GLT8D2: variants seen among roughly 807,000 people sequenced by gnomAD.
GLT8D2 encodes glycosyltransferase 8 domain containing 2.
A neutral mutation model predicts 44.5 loss-of-function variants in GLT8D2; 45 were observed. That is an observed-to-expected ratio of 1.01 (90% CI 0.80 to 1.30). The LOEUF (loss-of-function observed/expected upper bound fraction) is 1.30, where lower values mean the gene tolerates loss of function less well. GLT8D2 is among the 50% of genes most tolerant of loss of function. The probability of loss-of-function intolerance (pLI) is 0.00; values close to 1 mark genes in which losing one functional copy is unlikely to be tolerated. For missense variants in GLT8D2, 400 were observed against 430.4 expected, an observed-to-expected ratio of 0.93 and a Z score of 0.62; for synonymous variants, 156 against 157.2, an observed-to-expected ratio of 0.99 and a Z score of 0.06.
In GLT8D2 at chr12:103,997,462, A is replaced by G; in HGVS notation, c.476T>C (p.Val159Ala). 6.2e-7 allele frequency: 1 copy of G among 1,611,674 alleles called. No individual in the cohort carries two copies. The highest frequency in any genetic ancestry group is 8.5e-7 in the Non-Finnish European group (1 of 1,177,724). Residue 159 changes from valine to alanine, a missense_variant, in exon 7 of 11, where the codon GTA becomes GCA. Val to Ala is a moderately conservative substitution (Grantham distance 64, BLOSUM62 0). Transcript: ENST00000360814. ...HEKVIYLDDD[V>A]IVQGDIQELY... ...GTTAGCGAGAGTACCTTGTACAATTACATCATCGTCCAAATAGATGACTTT... is the reference window on the plus strand; with the variant it reads ...GTTAGCGAGAGTACCTTGTACAATTGCATCATCGTCCAAATAGATGACTTT...
intron 4 of GLT8D2, among the ~76,000 whole-genome samples, chr12:104,004,197 T>G (rs1342578356): frequency 2.0e-5 from 3 of 152,114 alleles, no homozygotes; most frequent in Non-Finnish European, 4.4e-5. Flanking sequence ...TGCTAAAAAT[T>G]CTCAATAAAT....
At chr12:104,009,062 C>A (rs140544403) in intron 4 of GLT8D2, among the ~76,000 whole-genome samples, 1 of 152,224 alleles carries the variant, frequency 6.6e-6, no homozygotes, top group Non-Finnish European at 1.5e-5. Context: ...AGAGCCCCCA[C>A]GCAGAGTCCC....
intron 3 of GLT8D2, among the ~76,000 whole-genome samples, chr12:104,017,949 T>A (rs1015438909): frequency 2.0e-5 from 3 of 152,166 alleles, no homozygotes; most frequent in Admixed American, 2.0e-4. Context: ...TGGTTATGCA[T>A]CATTGTTATT....
intron 1 of GLT8D2, among the ~76,000 whole-genome samples, chr12:104,058,322 A>G (rs1324998192): frequency 1.3e-5 from 2 of 152,158 alleles, no homozygotes; most frequent in African/African-American, 4.8e-5. Flanking sequence ...AGGGGATTAC[A>G]GATATGGAAG....
At chr12:104,006,643 A>G (rs1875050072) in intron 4 of GLT8D2, among the ~76,000 whole-genome samples, 1 of 152,202 alleles carries the variant, frequency 6.6e-6, no homozygotes, top group Admixed American at 6.5e-5. Flanking sequence ...CTTTTCTAAT[A>G]AAATTACTGC....
upstream of GLT8D2, among the ~76,000 whole-genome samples, chr12:104,050,938 C>A (rs576186594): frequency 2.6e-5 from 4 of 151,896 alleles, no homozygotes; most frequent in Non-Finnish European, 4.4e-5. Context: ...CCTCAGCCTC[C>A]CGAGTAGCTG....
In GLT8D2 at chr12:104,022,034, AGAAGAAGAAGAAGAAGAAGAAGGG is replaced by A. The variant is rs1293041743; in HGVS notation, c.-163-567_-163-544del. Among the ~76,000 whole-genome samples the A allele has an allele frequency of 2.9e-3, 385 of 134,792 alleles. 40 individuals carry two copies. The highest frequency in any genetic ancestry group is 0.012 in the African/African-American group (372 of 32,106). The allele number at this position is 134,792 out of a possible 152,430, so 88.4% of individuals were successfully genotyped here. A position where few individuals can be genotyped will look rare whatever the true frequency, so the allele number is the denominator to read the frequency against. On this transcript the variant is annotated intron_variant, in intron 1 of 10. Transcript: ENST00000360814. ...AAGAAGAAGAAGAAAAAGAAGAAGA[AGAAGAAGAAGAAGAAGAAGAAGGG>A]AAAGAAAGAAAGAAAGAAAAAAAAA...
chr12:104,013,793 G>A (rs976694393), intron 4 of GLT8D2, among the ~76,000 whole-genome samples: 1 of 152,116 alleles, frequency 6.6e-6, no homozygotes, highest in Non-Finnish European at 1.5e-5. Flanking sequence ...CCAAGCTGGA[G>A]TGCAGTGGCA....
rs371652235 is a variant in GLT8D2, at chr12:104,017,524, T to C, written c.19+2106A>G. Among the ~76,000 whole-genome samples the C allele has an allele frequency of 2.2e-4, 34 of 152,302 alleles. No homozygotes were observed. In the East Asian group the frequency reaches 6.2e-3, roughly 28 times the overall value. ...TTTTAGTAGAGACAGGGTTTCACCATGTTGGCCAGGCTGATCTTGAACTTC... is the reference window on the plus strand; with the variant it reads ...TTTTAGTAGAGACAGGGTTTCACCACGTTGGCCAGGCTGATCTTGAACTTC... On this transcript the variant is annotated intron_variant, in intron 3 of 10. Transcript: ENST00000360814.
chr12:104,030,743 T>C (rs1879142785), intron 1 of GLT8D2: 4 of 1,612,070 alleles, frequency 2.5e-6, no homozygotes, highest in African/African-American at 1.3e-5. Context: ...CGGAATCTGC[T>C]AATCCCAGTC....
chr12:104,016,410 G>T (rs1272661141), intron 3 of GLT8D2, among the ~76,000 whole-genome samples: 2 of 152,056 alleles, frequency 1.3e-5, no homozygotes, highest in Non-Finnish European at 2.9e-5. Context: ...GCCAAGGCAG[G>T]TGGATCACTG....
At chr12:104,009,690 T>C (rs1207548498) in intron 4 of GLT8D2, among the ~76,000 whole-genome samples, 1 of 152,188 alleles carries the variant, frequency 6.6e-6, no homozygotes, top group African/African-American at 2.4e-5. Flanking sequence ...CATCTTGAAT[T>C]GTACTCCCAT....
At chr12:104,036,717 A>G (rs1879966430) in intron 1 of GLT8D2, among the ~76,000 whole-genome samples, 1 of 152,184 alleles carries the variant, frequency 6.6e-6, no homozygotes, top group South Asian at 2.1e-4. Flanking sequence ...ATAATGGGAG[A>G]CTTTAACACC....
At chr12:104,020,500 T>C (rs183283623) in intron 2 of GLT8D2, among the ~76,000 whole-genome samples, 3 of 152,332 alleles carry the variant, frequency 2.0e-5, no homozygotes, top group Admixed American at 2.0e-4. Context: ...TTCCCAGTGA[T>C]GCACCGAAAA....
intron 1 of GLT8D2, among the ~76,000 whole-genome samples, chr12:104,035,945 A>C (rs1879881279): frequency 6.6e-6 from 1 of 152,246 alleles, no homozygotes; most frequent in African/African-American, 2.4e-5. Flanking sequence ...CACAAAGGGA[A>C]GCCCATCAGA....
chr12:104,019,781 G>T, intron 2 of GLT8D2, 105 bp from the exon 3 acceptor site: 1 of 649,444 alleles, frequency 1.5e-6, no homozygotes. Context: ...ATATCGTGAA[G>T]TGTGTGATCA....
chr12:103,997,832 G>A lies in GLT8D2; in HGVS notation c.403-297C>T, dbSNP rs1339854410. ...GCTGTAGTGGGAGTCACAGAGGCTC[G>A]TTAGTCACTTTTAGGGCACAAATCG... On this transcript the variant is annotated intron_variant, in intron 6 of 10. Transcript: ENST00000360814. Among the ~76,000 whole-genome samples, 6 of 145,232 alleles carry A rather than the reference G, an allele frequency of 4.1e-5. No individual in the cohort carries two copies. The East Asian group carries it at 1.5e-3, about 36-fold the overall frequency.
intron 8 of GLT8D2, 120 bp from the exon 9 acceptor site, chr12:103,994,621 G>T: frequency 4.9e-6 from 4 of 808,782 alleles, no homozygotes; most frequent in Non-Finnish European, 3.8e-6. Context: ...ACTGGCCACT[G>T]GGTAGTTTGT....
upstream of GLT8D2, among the ~76,000 whole-genome samples, chr12:104,052,834 C>G (rs1186950475): frequency 6.6e-6 from 1 of 152,040 alleles, no homozygotes; most frequent in Non-Finnish European, 1.5e-5. Flanking sequence ...AATTCCTGGG[C>G]CTTTCTCCTC....
Sources: allele counts gnomAD v4.1 joint callset (sites outside exome capture counted in the v4.1 genomes callset), GRCh38; gene constraint gnomAD v4.1.1; transcripts MANE v1.5; gene names NCBI Gene and HGNC (gene_info 2026-07-23, HGNC 2026-07-21).